The following CUZD1 variants were observed in gnomAD, a reference collection of about 807,000 sequenced individuals.
CUZD1 encodes the protein CUB and zona pellucida like domains 1.
CUZD1 carries 42 observed loss-of-function variants against 53.1 expected under a neutral mutation model. The observed-to-expected ratio is 0.79, with a 90% CI of 0.62 to 1.02. The LOEUF is 1.02. Ranked by LOEUF, CUZD1 falls within the 50% of genes least tolerant of loss-of-function variation. The pLI, the probability that CUZD1 is intolerant of heterozygous loss-of-function variation, is 0.00. For synonymous variants in CUZD1, 238 were observed against 257.2 expected (o/e 0.93, Z 0.71); for missense variants, 670 against 715.7 (o/e 0.94, Z 0.73).
intron 1 of CUZD1, among the ~76,000 whole-genome samples, chr10:122,843,942 A>G (rs978370326): frequency 1.0e-4 from 15 of 147,874 alleles, no homozygotes; most frequent in Non-Finnish European, 1.5e-5. Flanking sequence ...TGGTCTATAT[A>G]TAGAGACTAT....
At chr10:122,843,263 G>C (rs1295230714) in intron 1 of CUZD1, among the ~76,000 whole-genome samples, 2 of 152,098 alleles carry the variant, frequency 1.3e-5, no homozygotes, top group Non-Finnish European at 2.9e-5. Context: ...GCAATAAAAA[G>C]AAATGAGGTA....
chr10:122,845,224 G>A (rs1442190282), intron 1 of CUZD1, among the ~76,000 whole-genome samples: 7 of 151,914 alleles, frequency 4.6e-5, no homozygotes. Flanking sequence ...CTACAGGCAC[G>A]CATCACCACA....
At chr10:122,837,592 A>C (rs1847274167) in intron 3 of CUZD1, 38 bp from the exon 4 acceptor site, 7 of 1,518,540 alleles carry the variant, frequency 4.6e-6, no homozygotes, top group Non-Finnish European at 3.5e-6. Flanking sequence ...ATGAACATCA[A>C]AATAGAGACT....
In CUZD1 at chr10:122,836,324, T is replaced by C. The variant is rs373460824; in HGVS notation, c.844A>G (p.Met282Val). The C allele has an allele frequency of 1.1e-5, 17 of 1,579,256 alleles. No individual in the cohort carries two copies. In the African/African-American group the frequency reaches 1.4e-4, roughly 13 times the overall value. The part of the protein sequence containing the change: ...TTSLTCSSDR[M>V]RVIISKSYLE... ...TAGGATTTGCTTATAATAACTCTCATCCTGTCAGAAGAGCAAGTTAAAGAT... is the reference window on the plus strand; with the variant it reads ...TAGGATTTGCTTATAATAACTCTCACCCTGTCAGAAGAGCAAGTTAAAGAT... Residue 282 changes from methionine to valine, a missense_variant, in exon 6 of 9, where the codon ATG becomes GTG. Coordinates refer to ENST00000392790, the MANE Select transcript of CUZD1 (RefSeq NM_022034.6).
Position 122,845,823 on chromosome 10 carries a change from G to C in CUZD1, c.21C>G (p.Leu7=). The part of the protein sequence containing the change: MELVRR[L]MPLTLLILSC... ...AGAGAATTAAGAGGGTCAATGGCAT[G>C]AGCCTTCTTACAAGCTCCATTTTGG... The change falls in exon 1 of 9, where the codon CTC becomes CTG. Residue 7 remains leucine (L), a synonymous_variant. Transcript: ENST00000392790. The C allele has an allele frequency of 6.2e-7, 1 of 1,614,052 alleles. No homozygotes were observed. The highest frequency in any genetic ancestry group is 1.3e-5 in the African/African-American group (1 of 75,058).
At chr10:122,833,595 C>T in intron 8 of CUZD1, 77 bp downstream of exon 8, 1 of 1,450,186 alleles carries the variant, frequency 6.9e-7, no homozygotes, top group Admixed American at 1.9e-5. Flanking sequence ...ACTGTACATG[C>T]TTAAGAGTTA....
intron 1 of CUZD1, among the ~76,000 whole-genome samples, chr10:122,844,053 G>T: frequency 6.6e-6 from 1 of 150,724 alleles, no homozygotes; most frequent in African/African-American, 2.4e-5. Flanking sequence ...GGGACAGACA[G>T]AGTCTCACTC....
chr10:122,838,936 G>T, intron 3 of CUZD1, 81 bp downstream of exon 3: 1 of 1,080,546 alleles, frequency 9.3e-7, no homozygotes, highest in Non-Finnish European at 1.4e-6. Context: ...TCAGACTGAA[G>T]ATTATAAGAA....
chr10:122,837,993 C>T, intron 3 of CUZD1: 3 of 155,194 alleles, frequency 1.9e-5, no homozygotes, highest in South Asian at 2.0e-4. Context: ...GGTGAGTCCT[C>T]TTCCCTGACT....
chr10:122,843,836 C>T, intron 1 of CUZD1, among the ~76,000 whole-genome samples: 1 of 134,386 alleles, frequency 7.4e-6, no homozygotes, highest in African/African-American at 3.1e-5. Flanking sequence ...TATATATGTC[C>T]ACACAGAAAC....
intron 8 of CUZD1, 89 bp downstream of exon 8, chr10:122,833,583 A>G (rs953987197): frequency 1.6e-5 from 22 of 1,346,946 alleles, no homozygotes; most frequent in Non-Finnish European, 2.1e-5. Flanking sequence ...ATAAATCTCT[A>G]AACTGTACAT....
In CUZD1 at chr10:122,832,330, T is replaced by G. The variant is rs1238211350; in HGVS notation, c.1772A>C (p.His591Pro). The change falls in exon 9 of 9, where the codon CAT becomes CCT. Residue 591 changes from histidine (H) to proline (P), a missense_variant. Physicochemically the swap from His to Pro is moderately conservative, Grantham distance 77 (BLOSUM62 -2). Coordinates refer to ENST00000392790, the MANE Select transcript of CUZD1 (RefSeq NM_022034.6). ...VVTVATITVR[H>P]FVNQRADYKY... ...GTAGTCTGCCCGTTGATTTACAAAA[T>G]GCCTCACTGTGATTGTCGCTACAGT... 17 of 1,614,148 alleles carry G rather than the reference T, an allele frequency of 1.1e-5. No individual in the cohort carries two copies. Among genetic ancestry groups the G allele is most frequent in the Non-Finnish European group, 1.4e-5 (17 of 1,179,988 alleles).
At chr10:122,836,122 T>C in intron 6 of CUZD1, 56 bp downstream of exon 6, 1 of 1,490,768 alleles carries the variant, frequency 6.7e-7, no homozygotes, top group Non-Finnish European at 9.0e-7. Flanking sequence ...CCTGACTGCA[T>C]TGCTCAACAT....
At position 122,839,105 on chromosome 10, in the gene CUZD1, G is replaced by A; in HGVS notation, c.360C>T (p.Ser120=). The A allele has an allele frequency of 6.2e-7, 1 of 1,614,036 alleles. No homozygotes were observed. The stretch of plus-strand genomic sequence containing the variant: ...TAACTATTTGAAACGTCAATGTACT[G>A]GATGATGATTCAAATACAGGAACAT... ...NDYVPVFESS[S]STLTFQIVTD... Residue 120 remains serine, a synonymous_variant, in exon 3 of 9, where the codon TCC becomes TCT. Coordinates refer to ENST00000392790, the MANE Select transcript of CUZD1 (RefSeq NM_022034.6).
chr10:122,832,401 G>T lies in CUZD1; in HGVS notation c.1701C>A (p.Asn567Lys). 6.2e-7 allele frequency: 1 copy of T among 1,614,126 alleles called. No homozygotes were observed. Among genetic ancestry groups the T allele is most frequent in the Non-Finnish European group, 8.5e-7 (1 of 1,179,980 alleles). Residue 567 changes from asparagine to lysine, a missense_variant, in exon 9 of 9, where the codon AAC becomes AAA. Transcript: ENST00000392790. The part of the protein sequence containing the change: ...HAEETPNQPF[N>K]SVHLFSFMVL... ...CCATGAAGGAAAACAGATGCACACT[G>T]TTGAAAGGCTGGTTTGGAGTTTCTT... is the stretch of plus-strand genomic sequence containing the variant.
chr10:122,843,835 C>A (rs1285771395), intron 1 of CUZD1, among the ~76,000 whole-genome samples: 2 of 132,530 alleles, frequency 1.5e-5, no homozygotes, highest in African/African-American at 3.2e-5. Context: ...ATATATATGT[C>A]CACACAGAAA....
At position 122,833,910 on chromosome 10, in the gene CUZD1, A is replaced by T; in HGVS notation, c.1413T>A (p.Tyr471Ter). Residue 471 changes from tyrosine to a stop codon, truncating the protein, a stop_gained, in exon 8 of 9, where the codon TAT becomes TAA. Coordinates refer to ENST00000392790, the MANE Select transcript of CUZD1 (RefSeq NM_022034.6). LOFTEE classifies it high-confidence loss of function. ...GCSRDETCKV[Y>*]PLFGHYGRFQ... is the part of the protein sequence containing the mutation. ...ATCTCCCATAGTGTCCAAATAAGGG[A>T]TACACCTTACAAGTTTCATCTCGAC... 6.2e-7 allele frequency: 1 copy of T among 1,613,666 alleles called. No individual in the cohort carries two copies. The highest frequency in any genetic ancestry group is 8.5e-7 in the Non-Finnish European group (1 of 1,179,694).
In CUZD1 at chr10:122,832,399, C is replaced by T. The variant is rs759400818; in HGVS notation, c.1703G>A (p.Ser568Asn). 3.7e-6 allele frequency: 6 copies of T among 1,614,016 alleles called. No homozygotes were observed. The East Asian group carries it at 8.9e-5, about 24-fold the overall frequency. The part of the protein sequence containing the change: ...AEETPNQPFN[S>N]VHLFSFMVLA... ...AACCATGAAGGAAAACAGATGCACA[C>T]TGTTGAAAGGCTGGTTTGGAGTTTC... The change falls in exon 9 of 9, where the codon AGT becomes AAT. Residue 568 changes from serine to asparagine, a missense_variant. Physicochemically the swap from Ser to Asn is conservative, Grantham distance 46 (BLOSUM62 1). Coordinates refer to ENST00000392790, the MANE Select transcript of CUZD1 (RefSeq NM_022034.6).
chr10:122,839,303 CACCTAGGCA>C, intron 2 of CUZD1, 72 bp from the exon 3 acceptor site: 1 of 1,304,828 alleles, frequency 7.7e-7, no homozygotes, highest in Non-Finnish European at 1.1e-6. Context: ...GTCAATTGCT[CACCTAGGCA>C]TGTAAATTTA....
Sources: allele counts gnomAD v4.1 joint callset (sites outside exome capture counted in the v4.1 genomes callset), GRCh38; gene constraint gnomAD v4.1.1; transcripts MANE v1.5; gene names NCBI Gene and HGNC (gene_info 2026-07-23, HGNC 2026-07-21).